NISCH: variants seen among roughly 807,000 people sequenced by gnomAD.
The protein encoded by NISCH is I-1 receptor candidate protein.
A neutral mutation model predicts 138.4 loss-of-function variants in NISCH; 55 were observed. The observed-to-expected ratio is 0.40, with a 90% CI of 0.32 to 0.50. The LOEUF (loss-of-function observed/expected upper bound fraction) is 0.50, where lower values mean the gene tolerates loss of function less well. Ranked by LOEUF, NISCH falls within the 20% of genes least tolerant of loss-of-function variation. The pLI is 0.71. For synonymous variants in NISCH, 860 were observed against 861.5 expected (o/e 1.00, Z 0.03); for missense variants, 1,643 against 2,005.5 (o/e 0.82, Z 3.45).
Position 52,470,853 on chromosome 3 carries a change from C to T in NISCH, c.361-6C>T. 1 of 1,614,122 alleles carries T rather than the reference C, an allele frequency of 6.2e-7. No homozygotes were observed. The highest frequency in any genetic ancestry group is 8.5e-7 in the Non-Finnish European group (1 of 1,180,012). ...TTTCTAAGGGCAAATTTTGTGTTCT[C>T]TGCAGGAGATAAATGGCATCACCGC... On this transcript the variant is annotated splice_region_variant and splice_polypyrimidine_tract_variant and intron_variant, in intron 3 of 20. Coordinates refer to ENST00000345716, the MANE Select transcript of NISCH (RefSeq NM_007184.4).
chr3:52,481,932 T>A (rs1337302332), intron 13 of NISCH: 1 of 985,098 alleles, frequency 1.0e-6, no homozygotes, highest in Non-Finnish European at 1.2e-6. Flanking sequence ...CTCTCTTTCC[T>A]TTTGGTGAGA....
chr3:52,472,592 C>A (rs1433552769), intron 6 of NISCH, among the ~76,000 whole-genome samples, 194 bp downstream of exon 6: 1 of 152,258 alleles, frequency 6.6e-6, no homozygotes, highest in Non-Finnish European at 1.5e-5. Flanking sequence ...GGCTGGTCTG[C>A]ACACACCTTC....
intron 8 of NISCH, 45 bp downstream of exon 8, chr3:52,476,644 A>C: frequency 6.2e-7 from 1 of 1,603,634 alleles, no homozygotes. Flanking sequence ...TGGCCCCACC[A>C]AACCCTGAGT....
In NISCH at chr3:52,490,185, T is replaced by G; in HGVS notation, c.3567T>G (p.Phe1189Leu). Residue 1189 changes from phenylalanine (F) to leucine (L), a missense_variant, in exon 18 of 21, where the codon TTT becomes TTG. Phe to Leu is a conservative substitution (Grantham distance 22). Coordinates refer to ENST00000345716, the MANE Select transcript of NISCH (RefSeq NM_007184.4). ...CVLLSTKAVY[F>L]VLHDGLRRYF... is the part of the protein sequence containing the mutation. ...TGCTCTCCACCAAGGCTGTGTACTT[T>G]GTGCTCCACGACGGCCTCCGCCGCT... The G allele has an allele frequency of 1.2e-6, 2 of 1,613,414 alleles. No homozygotes were observed. The highest frequency in any genetic ancestry group is 2.2e-5 in the South Asian group (2 of 91,082).
chr3:52,483,991 T>G (rs1023707858), intron 13 of NISCH, among the ~76,000 whole-genome samples: 1 of 152,258 alleles, frequency 6.6e-6, no homozygotes, highest in Non-Finnish European at 1.5e-5. Context: ...CTTGCCTTTC[T>G]TTGTGTACTT....
chr3:52,487,723 A>G lies in NISCH; in HGVS notation c.2231A>G (p.Gln744Arg). ...ATCGCAGTCTTCGAGATCCCGCACC[A>G]GGAGTCTCGGGGCAGCAGCCAGCAC... Reference protein sequence around the residue: ...FGIAVFEIPHQESRGSSQHIL... With the variant: ...FGIAVFEIPHRESRGSSQHIL... The change falls in exon 16 of 21, where the codon CAG becomes CGG. Residue 744 changes from glutamine to arginine, a missense_variant. Gln to Arg is a conservative substitution (Grantham distance 43). Coordinates refer to ENST00000345716, the MANE Select transcript of NISCH (RefSeq NM_007184.4). The surrounding 1 kb of genome is among the most constrained non-coding windows in gnomAD (Gnocchi z 9.1). 2 of 1,613,544 alleles carry G rather than the reference A, an allele frequency of 1.2e-6. No homozygotes were observed. The highest frequency in any genetic ancestry group is 1.7e-6 in the Non-Finnish European group (2 of 1,179,966).
At chr3:52,484,964 G>A (rs1337695800) in intron 14 of NISCH, among the ~76,000 whole-genome samples, 1 of 152,142 alleles carries the variant, frequency 6.6e-6, no homozygotes, top group Non-Finnish European at 1.5e-5. Context: ...CTGTGAGCAG[G>A]CTTCCCTGGG....
chr3:52,490,560 A>G (rs1707535601), intron 18 of NISCH, 145 bp from the exon 19 acceptor site: 1 of 1,135,978 alleles, frequency 8.8e-7, no homozygotes, highest in Non-Finnish European at 1.3e-6. Flanking sequence ...AGAGGCTCCG[A>G]CTCCAGAGGG....
chr3:52,466,877 C>T (rs1706794901), intron 3 of NISCH, among the ~76,000 whole-genome samples: 1 of 152,178 alleles, frequency 6.6e-6, no homozygotes. Context: ...CCCACGGCTA[C>T]ACACCAACAC....
At position 52,488,147 on chromosome 3, in the gene NISCH, A is replaced by C. The variant is rs112323499; in HGVS notation, c.2655A>C (p.Thr885=). ...GCAACATCGAGTGGGCCAGCTGCAC[A>C]CTCTGTTCAGCCGTGCGGCGCTCCT... ...YSGNIEWASC[T]LCSAVRRSCC... The change falls in exon 16 of 21, where the codon ACA becomes ACC. Residue 885 remains threonine (T), a synonymous_variant. Coordinates refer to ENST00000345716, the MANE Select transcript of NISCH (RefSeq NM_007184.4). 2.4e-5 allele frequency: 39 copies of C among 1,612,512 alleles called. No homozygotes were observed. In the South Asian group the frequency reaches 3.8e-4, roughly 16 times the overall value.
At position 52,488,275 on chromosome 3, in the gene NISCH, C is replaced by T. The variant is rs774352882; in HGVS notation, c.2783C>T (p.Pro928Leu). The change falls in exon 16 of 21, where the codon CCC (proline) becomes CTC (leucine). Residue 928 changes from proline to leucine, a missense_variant. Pro to Leu is a moderately conservative substitution (Grantham distance 98, BLOSUM62 -3). Coordinates refer to ENST00000345716, the MANE Select transcript of NISCH (RefSeq NM_007184.4). ...NVIKADFNPMPNRGTHNCRNR... is the reference protein window; with the variant it reads ...NVIKADFNPMLNRGTHNCRNR... Reference sequence around the variant, plus strand: ...ATCAAGGCCGACTTCAACCCCATGCCCAACCGTGGCACCCACAACTGTCGC... The same window carrying T: ...ATCAAGGCCGACTTCAACCCCATGCTCAACCGTGGCACCCACAACTGTCGC... 9 of 1,610,458 alleles carry T rather than the reference C, an allele frequency of 5.6e-6. No individual in the cohort carries two copies. The highest frequency in any genetic ancestry group is 7.6e-6 in the Non-Finnish European group (9 of 1,179,988).
chr3:52,465,430 T>G (rs1479496505), intron 3 of NISCH, among the ~76,000 whole-genome samples: 1 of 152,140 alleles, frequency 6.6e-6, no homozygotes, highest in Admixed American at 6.6e-5. Context: ...ACACCCAGCC[T>G]GCAGTGTGGA....
intron 9 of NISCH, 94 bp downstream of exon 9, chr3:52,477,736 G>A: frequency 2.0e-6 from 2 of 1,020,130 alleles, no homozygotes; most frequent in Admixed American, 1.7e-5. Flanking sequence ...AATTGGCCAG[G>A]GGTTGTAAGG....
chr3:52,471,062 A>AGT (rs1193913262), intron 4 of NISCH, among the ~76,000 whole-genome samples, 155 bp downstream of exon 4: 1 of 152,124 alleles, frequency 6.6e-6, no homozygotes, highest in Non-Finnish European at 1.5e-5. Flanking sequence ...AGTACTCTTG[A>AGT]GTACCATGTC....
intron 3 of NISCH, among the ~76,000 whole-genome samples, chr3:52,460,045 G>A (rs913134174): frequency 1.3e-4 from 20 of 151,482 alleles, no homozygotes; most frequent in African/African-American, 4.9e-4. Context: ...GCTGGGTATG[G>A]TGGCAGATGC....
chr3:52,482,553 C>T (rs1423982848), intron 13 of NISCH, among the ~76,000 whole-genome samples: 2 of 152,218 alleles, frequency 1.3e-5, no homozygotes, highest in Non-Finnish European at 2.9e-5. Context: ...GTTTTCTCAA[C>T]TGTGAAGTGG....
At position 52,491,275 on chromosome 3, in the gene NISCH, C is replaced by A. The variant is rs2153231932; in HGVS notation, c.3743-77C>A. 5 of 1,523,754 alleles carry A rather than the reference C, an allele frequency of 3.3e-6. No individual in the cohort carries two copies. In the Admixed American group the frequency reaches 8.1e-5, roughly 25 times the overall value. 94.4% of individuals were successfully genotyped at this position (1,523,754 alleles called of 1,614,324 possible). On this transcript the variant is annotated intron_variant, in intron 19 of 20. Transcript: ENST00000345716. ...CCTCTGGGCTGAGGCTTGCTAGGGA[C>A]TCGGGGTGGCTCTAAGGGGCAGGGA... is the stretch of plus-strand genomic sequence containing the variant.
chr3:52,480,548 G>A (rs990004694), intron 13 of NISCH: 30 of 1,469,716 alleles, frequency 2.0e-5, no homozygotes, highest in South Asian at 4.1e-5. Context: ...CTAGGAGACC[G>A]CAGGGTGTCT....
intron 16 of NISCH, 124 bp downstream of exon 16, chr3:52,488,729 C>T (rs1707480669): frequency 2.5e-6 from 2 of 813,076 alleles, no homozygotes; most frequent in Admixed American, 5.7e-5. Context: ...CCCCCCTGCC[C>T]CTCGCCCCCC....
Sources: allele counts gnomAD v4.1 joint callset (sites outside exome capture counted in the v4.1 genomes callset), GRCh38; gene constraint gnomAD v4.1.1; non-coding constraint Gnocchi (gnomAD v3.1); transcripts MANE v1.5; gene names NCBI Gene and HGNC (gene_info 2026-07-23, HGNC 2026-07-21).